Variants in RAB5A observed in about 807,000 individuals in gnomAD.
The protein encoded by RAB5A is ras-related protein Rab-5A.
A neutral mutation model predicts 25.7 loss-of-function variants in RAB5A; 8 were observed. The ratio of observed to expected loss-of-function variants is 0.31; its 90% CI spans 0.18 to 0.56. The LOEUF (loss-of-function observed/expected upper bound fraction) is 0.56, where lower values mean the gene tolerates loss of function less well. Among genes scored for constraint, RAB5A ranks in the 20% least tolerant of loss-of-function variants. The probability of loss-of-function intolerance (pLI) is 0.91; values close to 1 mark genes in which losing one functional copy is unlikely to be tolerated. For synonymous variants in RAB5A, 98 were observed against 89.8 expected, an observed-to-expected ratio of 1.09 and a Z score of -0.52; for missense variants, 192 against 259.7, an observed-to-expected ratio of 0.74 and a Z score of 1.79.
intron 2 of RAB5A, among the ~76,000 whole-genome samples, chr3:19,975,249 G>A (rs1423718775): frequency 6.6e-6 from 1 of 151,192 alleles, no homozygotes; most frequent in East Asian, 1.9e-4. Context: ...GAAAAGAAAT[G>A]TAGTCTTAAG....
At chr3:19,954,675 G>A (rs1028526242) in intron 2 of RAB5A, among the ~76,000 whole-genome samples, 1 of 152,022 alleles carries the variant, frequency 6.6e-6, no homozygotes, top group Non-Finnish European at 1.5e-5. Context: ...AAAATTAACC[G>A]GGCATGGTGG....
At chr3:19,970,304 C>T (rs1696726500) in intron 2 of RAB5A, among the ~76,000 whole-genome samples, 1 of 152,180 alleles carries the variant, frequency 6.6e-6, no homozygotes, top group Admixed American at 6.5e-5. Flanking sequence ...CTGTTTAAGT[C>T]TTGCATATTA....
chr3:19,970,616 G>A (rs769588965), intron 2 of RAB5A: 11 of 456,542 alleles, frequency 2.4e-5, no homozygotes, highest in African/African-American at 8.0e-5. Context: ...AACTGCTAGT[G>A]CTGGTGATGG....
Position 19,947,158 on chromosome 3 carries a change from C to G in RAB5A, c.-457C>G, listed in dbSNP as rs1696312638. The G allele has an allele frequency of 6.4e-6, 1 of 156,454 alleles. No homozygotes were observed. Among genetic ancestry groups the G allele is most frequent in the African/African-American group, 2.4e-5 (1 of 41,414 alleles). 9.7% of individuals were successfully genotyped at this position (156,454 alleles called of 1,614,324 possible). A position where few individuals can be genotyped will look rare whatever the true frequency, so the allele number is the denominator to read the frequency against. ...CACCGGGCAGCGGAAGTGGCTCCGG[C>G]GGTGGGACTTGAGTGTTTGTGTTTT... On this transcript the variant is annotated 5_prime_UTR_variant, in exon 1 of 6. Coordinates refer to ENST00000273047, the MANE Select transcript of RAB5A (RefSeq NM_004162.5).
At chr3:19,958,065 C>T (rs13078869) in intron 2 of RAB5A, among the ~76,000 whole-genome samples, 31,054 of 151,970 alleles carry the variant, frequency 0.2, 3,858 homozygotes, top group African/African-American at 0.34. Context: ...TGTGCTTTTA[C>T]CTTTTTGCAT....
rs149612685 is a variant in RAB5A at position 19,970,989 on chromosome 3, G to C, written c.164-4612G>C. On this transcript the variant is annotated intron_variant, in intron 2 of 5. Transcript: ENST00000273047. ...AGGCGGATGGATCACCAGAGGTCAG[G>C]GGTTCAAGACCAGTCTGGCCAACAT... Among the ~76,000 whole-genome samples the C allele has an allele frequency of 5.7e-3, 872 of 152,202 alleles. 6 individuals carry two copies. Among genetic ancestry groups the C allele is most frequent in the African/African-American group, 0.02 (830 of 41,522 alleles).
At chr3:19,974,735 A>G (rs1696798642) in intron 2 of RAB5A, among the ~76,000 whole-genome samples, 1 of 152,028 alleles carries the variant, frequency 6.6e-6, no homozygotes, top group East Asian at 1.9e-4. Flanking sequence ...AAAGAAAAAA[A>G]AAGATAATAT....
At position 19,976,106 on chromosome 3, in the gene RAB5A, C is replaced by A; in HGVS notation, c.375C>A (p.Asn125Lys). ...AACTTCAGAGGCAAGCAAGTCCTAA[C>A]ATTGTAATAGCTTTATCGGGAAACA... Reference protein sequence around the residue: ...VKELQRQASPNIVIALSGNKA... With the variant: ...VKELQRQASPKIVIALSGNKA... The change falls in exon 4 of 6, where the codon AAC becomes AAA. Residue 125 changes from asparagine to lysine, a missense_variant. Transcript: ENST00000273047. 6.2e-7 allele frequency: 1 copy of A among 1,613,290 alleles called. No individual in the cohort carries two copies. The highest frequency in any genetic ancestry group is 8.5e-7 in the Non-Finnish European group (1 of 1,179,684).
intron 2 of RAB5A, among the ~76,000 whole-genome samples, chr3:19,955,306 A>G (rs892086359): frequency 6.6e-6 from 1 of 152,208 alleles, no homozygotes; most frequent in Non-Finnish European, 1.5e-5. Context: ...TGAAAATAAC[A>G]TTCCTCTTGC....
At chr3:19,970,032 C>T (rs1575074013) in intron 2 of RAB5A, among the ~76,000 whole-genome samples, 1 of 94,502 alleles carries the variant, frequency 1.1e-5, no homozygotes, top group Admixed American at 1.0e-4. Flanking sequence ...GAATTCCAGA[C>T]CTTGTGATCC....
At chr3:19,959,162 T>A (rs1453709719) in intron 2 of RAB5A, among the ~76,000 whole-genome samples, 1 of 152,184 alleles carries the variant, frequency 6.6e-6, no homozygotes, top group African/African-American at 2.4e-5. Flanking sequence ...TTTTGCCAAA[T>A]AGCTCTTAGT....
chr3:19,963,727 C>G (rs1696624050), intron 2 of RAB5A, among the ~76,000 whole-genome samples: 1 of 152,136 alleles, frequency 6.6e-6, no homozygotes, highest in Non-Finnish European at 1.5e-5. Flanking sequence ...TCACTGCAGC[C>G]TCCACCCCCT....
At chr3:19,979,603 A>T (rs1696884358) in intron 5 of RAB5A, among the ~76,000 whole-genome samples, 1 of 152,134 alleles carries the variant, frequency 6.6e-6, no homozygotes, top group Non-Finnish European at 1.5e-5. Context: ...CTTTTAACTG[A>T]TGGTAATTGC....
chr3:19,959,091 G>A (rs992201121), intron 2 of RAB5A, among the ~76,000 whole-genome samples: 3 of 152,082 alleles, frequency 2.0e-5, no homozygotes, highest in African/African-American at 7.2e-5. Flanking sequence ...TTGCCTTGCC[G>A]TGCTTAATGT....
intron 2 of RAB5A, among the ~76,000 whole-genome samples, chr3:19,954,402 T>G (rs1336969280): frequency 6.6e-6 from 1 of 152,230 alleles, no homozygotes; most frequent in Non-Finnish European, 1.5e-5. Flanking sequence ...CTCTATTTGA[T>G]TGTGTTCGAA....
intron 4 of RAB5A, 66 bp downstream of exon 4, chr3:19,976,235 A>C (rs1227035271): frequency 1.3e-6 from 2 of 1,523,724 alleles, no homozygotes; most frequent in African/African-American, 2.8e-5. Flanking sequence ...TCATGTCAAC[A>C]CTTGAATTAG....
intron 4 of RAB5A, among the ~76,000 whole-genome samples, chr3:19,977,939 T>G (rs1696851148): frequency 6.6e-6 from 1 of 152,260 alleles, no homozygotes; most frequent in South Asian, 2.1e-4. Context: ...GGTTTCCCTT[T>G]GTCTTCATTG....
chr3:19,974,163 T>C (rs1455100449), intron 2 of RAB5A, among the ~76,000 whole-genome samples: 11 of 140,722 alleles, frequency 7.8e-5, no homozygotes, highest in Admixed American at 2.1e-4. Flanking sequence ...ATAATGCTAC[T>C]TTTTTTTTTT....
At chr3:19,972,077 C>T (rs1432382108) in intron 2 of RAB5A, among the ~76,000 whole-genome samples, 1 of 152,164 alleles carries the variant, frequency 6.6e-6, no homozygotes, top group Non-Finnish European at 1.5e-5. Context: ...ATTCTTCGAG[C>T]ATCAATATGA....
Sources: allele counts gnomAD v4.1 joint callset (sites outside exome capture counted in the v4.1 genomes callset), GRCh38; gene constraint gnomAD v4.1.1; transcripts MANE v1.5; gene names NCBI Gene and HGNC (gene_info 2026-07-23, HGNC 2026-07-21).